Variants in REPS2 observed in about 807,000 individuals in gnomAD.
The protein encoded by REPS2 is ralBP1-associated Eps domain-containing protein 2.
In REPS2, 23 loss-of-function variants were observed where a neutral mutation model predicts 53.6. The ratio of observed to expected loss-of-function variants is 0.43; its 90% CI spans 0.31 to 0.61. The LOEUF (loss-of-function observed/expected upper bound fraction) is 0.61. Ranked by LOEUF, REPS2 falls within the 20% of genes least tolerant of loss-of-function variation. The pLI is 0.11. For synonymous variants in REPS2, 238 were observed against 218.6 expected, an observed-to-expected ratio of 1.09 and a Z score of -0.78; for missense variants, 446 against 534.9, an observed-to-expected ratio of 0.83 and a Z score of 1.64.
rs2061625053 is a variant in REPS2 at position 17,025,012 on chromosome X, G to A, written c.547-47G>A. ...ATGCTTCCTGACTGCAGCTCAGAAC[G>A]CCAGGCTTGAGTGAGCGCCTCTGAA... On this transcript the variant is annotated intron_variant, in intron 3 of 17. Transcript: ENST00000357277. 3.3e-6 allele frequency: 4 copies of A among 1,210,129 alleles called. 1 individual carries two copies. The highest frequency in any genetic ancestry group is 5.9e-5 in the East Asian group (2 of 33,730).
intron 2 of REPS2, among the ~76,000 whole-genome samples, chrX:17,020,850 C>T (rs764771512): frequency 9.0e-6 from 1 of 110,845 alleles, no homozygotes; most frequent in Non-Finnish European, 1.9e-5. Context: ...AGGTTAGTTT[C>T]GAACTCCTGA....
intron 14 of REPS2, among the ~76,000 whole-genome samples, chrX:17,108,665 C>T (rs2062913659): frequency 1.8e-5 from 2 of 111,643 alleles, no homozygotes; most frequent in Middle Eastern, 4.7e-3. Context: ...TTTCTATTAG[C>T]ACCACATTTG....
At chrX:17,051,068 A>C (rs762244576) in intron 6 of REPS2, among the ~76,000 whole-genome samples, 2 of 111,326 alleles carry the variant, frequency 1.8e-5, no homozygotes, top group East Asian at 5.6e-4. Flanking sequence ...CCATGAGTTC[A>C]ATCATTTTGA....
rs936932856 is a variant in REPS2, at chrX:17,147,448, A to T, written c.1950A>T (p.Gln650His). Reference sequence around the variant, plus strand: ...AAGAACGAATTGCATTGGAAAACCAATTGGAACAACTTCGTCCGGTCACTG... The same window carrying T: ...AAGAACGAATTGCATTGGAAAACCATTTGGAACAACTTCGTCCGGTCACTG... The part of the protein sequence containing the change: ...VHQERIALEN[Q>H]LEQLRPVTVL Residue 650 changes from glutamine to histidine, a missense_variant, in exon 18 of 18, where the codon CAA (glutamine) becomes CAT (histidine). By Grantham distance (24) the Gln-to-His change is conservative. Coordinates refer to ENST00000357277, the MANE Select transcript of REPS2 (RefSeq NM_004726.3). 4 of 1,207,795 alleles carry T rather than the reference A, an allele frequency of 3.3e-6. No homozygotes were observed. Among genetic ancestry groups the T allele is most frequent in the Non-Finnish European group, 3.4e-6 (3 of 892,832 alleles).
intron 13 of REPS2, among the ~76,000 whole-genome samples, chrX:17,088,980 C>T (rs780357015): frequency 9.0e-6 from 1 of 111,377 alleles, no homozygotes; most frequent in South Asian, 3.8e-4. Context: ...TTGGAGGGCA[C>T]ACCCTACTAC....
chrX:16,955,264 C>T (rs1217863582), intron 1 of REPS2, among the ~76,000 whole-genome samples: 1 of 111,353 alleles, frequency 9.0e-6, no homozygotes, highest in Non-Finnish European at 1.9e-5. Flanking sequence ...ACCTGGGTTG[C>T]GCAGGACTGA....
At chrX:17,158,409 A>G in the REPS2 span, among the ~76,000 whole-genome samples, 1 of 111,776 alleles carries the variant, frequency 8.9e-6, no homozygotes, top group Admixed American at 9.5e-5. Context: ...TTGGATATCC[A>G]CATGGAAAAA....
intron 1 of REPS2, chrX:16,978,477 C>T: frequency 1.8e-6 from 1 of 543,147 alleles, no homozygotes; most frequent in Non-Finnish European, 2.2e-6. Context: ...TTTCCATGCT[C>T]CTTCTGTGCC....
At position 17,017,904 on chromosome X, in the gene REPS2, T is replaced by A. The variant is rs1027392825; in HGVS notation, c.398-4219T>A. On this transcript the variant is annotated intron_variant, in intron 2 of 17. Transcript: ENST00000357277. ...TTTGAAGGCTTAATATGAAAAAAAA[T>A]GTAAAATATTTCATTAATAGTTTTT... 2.7e-5 allele frequency among the ~76,000 whole-genome samples: 3 copies of A among 111,709 alleles called. No individual in the cohort carries two copies. The Admixed American group carries it at 2.9e-4, about 11-fold the overall frequency.
chrX:16,963,491 A>G (rs1383026486), intron 1 of REPS2, among the ~76,000 whole-genome samples: 2 of 112,843 alleles, frequency 1.8e-5, no homozygotes, highest in African/African-American at 3.2e-5. Flanking sequence ...TGCTTTGTCA[A>G]GAATAGTTTC....
chrX:16,959,386 T>TA (rs1291582185), intron 1 of REPS2, among the ~76,000 whole-genome samples: 49 of 112,517 alleles, frequency 4.4e-4, no homozygotes, highest in African/African-American at 1.5e-3. Flanking sequence ...TGTAAGCCAC[T>TA]ACACCCAGTC....
intron 1 of REPS2, among the ~76,000 whole-genome samples, chrX:16,951,544 C>G (rs2060508297): frequency 2.4e-5 from 1 of 42,353 alleles, no homozygotes; most frequent in South Asian, 1.4e-3. Context: ...CACACACACA[C>G]ACACACACAC....
the REPS2 span, among the ~76,000 whole-genome samples, chrX:17,191,065 C>G: frequency 9.1e-6 from 1 of 110,360 alleles, no homozygotes; most frequent in African/African-American, 3.3e-5. Context: ...TCCTTAGACA[C>G]GACACAAAAA....
intron 1 of REPS2, among the ~76,000 whole-genome samples, chrX:16,978,944 CAAG>C (rs1231559932): frequency 9.0e-6 from 1 of 111,495 alleles, no homozygotes; most frequent in Admixed American, 9.5e-5. Flanking sequence ...TGAGGAAAGG[CAAG>C]AAACCAAGTG....
At chrX:17,006,639 C>T (rs988195480) in intron 2 of REPS2, among the ~76,000 whole-genome samples, 1 of 111,529 alleles carries the variant, frequency 9.0e-6, no homozygotes, top group Non-Finnish European at 1.9e-5. Context: ...GGCAAATAAT[C>T]ACATTGACTT....
At chrX:17,035,802 A>G (rs1475566923) in intron 5 of REPS2, among the ~76,000 whole-genome samples, 1 of 111,405 alleles carries the variant, frequency 9.0e-6, no homozygotes, top group Non-Finnish European at 1.9e-5. Flanking sequence ...TTGTATATGA[A>G]TATCTTTTTT....
chrX:16,965,345 C>A (rs1221810005), intron 1 of REPS2, among the ~76,000 whole-genome samples: 23 of 76,300 alleles, frequency 3.0e-4, no homozygotes, highest in African/African-American at 9.6e-4. Flanking sequence ...CCGGACGGGG[C>A]GGCTGGCCGG....
At chrX:17,178,846 G>A in the REPS2 span, among the ~76,000 whole-genome samples, 6 of 108,278 alleles carry the variant, frequency 5.5e-5, no homozygotes, top group African/African-American at 2.0e-4. Context: ...GTTGCATTGA[G>A]CTGAGATCAT....
intron 13 of REPS2, among the ~76,000 whole-genome samples, chrX:17,092,423 G>A (rs778164293): frequency 9.0e-6 from 1 of 111,158 alleles, no homozygotes; most frequent in Non-Finnish European, 1.9e-5. Context: ...TAAACACTAG[G>A]AATTATTAGT....
Sources: allele counts gnomAD v4.1 joint callset (sites outside exome capture counted in the v4.1 genomes callset), GRCh38; gene constraint gnomAD v4.1.1; transcripts MANE v1.5; gene names NCBI Gene and HGNC (gene_info 2026-07-23, HGNC 2026-07-21).